LRBA: variants seen among roughly 807,000 people sequenced by gnomAD.
LRBA encodes lipopolysaccharide-responsive and beige-like anchor protein.
LRBA carries 176 observed loss-of-function variants against 330.0 expected under a neutral mutation model. The ratio of observed to expected loss-of-function variants is 0.53; its 90% CI spans 0.47 to 0.60. The LOEUF (loss-of-function observed/expected upper bound fraction) is 0.60, where lower values mean the gene tolerates loss of function less well. Ranked by LOEUF, LRBA falls within the 20% of genes least tolerant of loss-of-function variation. The probability of loss-of-function intolerance (pLI) is 0.00; values close to 1 mark genes in which losing one functional copy is unlikely to be tolerated. For missense variants in LRBA, 3,259 were observed against 3,444.8 expected (o/e 0.95, Z 1.35); for synonymous variants, 1,230 against 1,193.0 (o/e 1.03, Z -0.64).
chr4:150,584,960 G>GA (rs762358771), intron 40 of LRBA, among the ~76,000 whole-genome samples: 1 of 151,890 alleles, frequency 6.6e-6, no homozygotes, highest in Non-Finnish European at 1.5e-5. Context: ...TCACGCTTGG[G>GA]AAAAAAGTAT....
intron 48 of LRBA, among the ~76,000 whole-genome samples, chr4:150,338,588 C>G (rs1279443689): frequency 6.6e-6 from 1 of 152,178 alleles, no homozygotes; most frequent in Non-Finnish European, 1.5e-5. Flanking sequence ...GCTCCAGCCT[C>G]TGCTGTGTTT....
At chr4:150,434,372 T>A (rs1296126580) in intron 46 of LRBA, among the ~76,000 whole-genome samples, 1 of 152,214 alleles carries the variant, frequency 6.6e-6, no homozygotes, top group Non-Finnish European at 1.5e-5. Flanking sequence ...TTCATGCATA[T>A]AGATAGAATA....
chr4:150,492,389 C>G (rs1051919167), intron 40 of LRBA, among the ~76,000 whole-genome samples: 1 of 151,992 alleles, frequency 6.6e-6, no homozygotes, highest in Non-Finnish European at 1.5e-5. Context: ...AGAAATCCTA[C>G]TAATTCAGTA....
chr4:150,859,537 T>G (rs1242276707), intron 22 of LRBA, among the ~76,000 whole-genome samples: 1 of 152,098 alleles, frequency 6.6e-6, no homozygotes, highest in Non-Finnish European at 1.5e-5. Context: ...CGTTACTAGG[T>G]GCACTCTTTA....
At chr4:150,815,219 T>C (rs1267455568) in intron 31 of LRBA, among the ~76,000 whole-genome samples, 1 of 151,906 alleles carries the variant, frequency 6.6e-6, no homozygotes, top group Non-Finnish European at 1.5e-5. Flanking sequence ...AACTATTGCA[T>C]TTTTCACAAA....
intron 47 of LRBA, among the ~76,000 whole-genome samples, chr4:150,350,741 T>A (rs1737037553): frequency 6.6e-6 from 1 of 152,178 alleles, no homozygotes. Flanking sequence ...ACTGGGCCTA[T>A]CTTGGTCACA....
chr4:150,617,330 T>C (rs1374479852), intron 37 of LRBA, among the ~76,000 whole-genome samples: 1 of 152,236 alleles, frequency 6.6e-6, no homozygotes, highest in African/African-American at 2.4e-5. Context: ...ATTTAAAATC[T>C]AGACTTTTAA....
chr4:150,369,990 T>C (rs1455319283), intron 47 of LRBA, among the ~76,000 whole-genome samples: 4 of 152,218 alleles, frequency 2.6e-5, no homozygotes, highest in Non-Finnish European at 4.4e-5. Flanking sequence ...GCTTTCTTCA[T>C]GACTGCTCAA....
intron 2 of LRBA, among the ~76,000 whole-genome samples, chr4:151,002,190 A>G (rs576090874): frequency 2.1e-5 from 3 of 142,970 alleles, no homozygotes; most frequent in South Asian, 2.3e-4. Context: ...AGGAAACATA[A>G]AACAGCAAAA....
At chr4:150,494,583 T>A (rs1194375841) in intron 40 of LRBA, among the ~76,000 whole-genome samples, 1 of 152,232 alleles carries the variant, frequency 6.6e-6, no homozygotes, top group African/African-American at 2.4e-5. Context: ...AGTTTTCTGA[T>A]TAAATAAAAT....
At chr4:150,390,344 T>G (rs187818213) in intron 47 of LRBA, among the ~76,000 whole-genome samples, 3 of 152,304 alleles carry the variant, frequency 2.0e-5, no homozygotes, top group Non-Finnish European at 2.9e-5. Flanking sequence ...CTATCTTTTC[T>G]GAGAATGGAA....
rs71596232 is a variant in LRBA, at chr4:150,717,675, G to GTAATAGTAATAATAATAATAA, written c.5754+17582_5754+17583insTTATTATTATTATTACTATTA. Among the ~76,000 whole-genome samples, 446 of 139,770 alleles carry GTAATAGTAATAATAATAATAA rather than the reference G, an allele frequency of 3.2e-3. 4 individuals carry two copies. The highest frequency in any genetic ancestry group is 0.011 in the African/African-American group (429 of 38,068). 91.7% of individuals were successfully genotyped at this position (139,770 alleles called of 152,430 possible). On this transcript the variant is annotated intron_variant, in intron 36 of 56. Coordinates refer to ENST00000651943, the MANE Select transcript of LRBA (RefSeq NM_001364905.1). ...ACTCTGTCTCAAAATAACAATAATA[G>GTAATAGTAATAATAATAATAA]TAATAATAATAATAATAATAATAAT...
chr4:150,431,973 T>G (rs944543448), intron 46 of LRBA, among the ~76,000 whole-genome samples: 2 of 152,156 alleles, frequency 1.3e-5, no homozygotes, highest in Non-Finnish European at 2.9e-5. Context: ...ATTTTAACCT[T>G]CATTTCATAG....
intron 36 of LRBA, among the ~76,000 whole-genome samples, chr4:150,719,533 A>G (rs901165486): frequency 2.0e-5 from 3 of 152,120 alleles, no homozygotes; most frequent in Admixed American, 2.0e-4. Flanking sequence ...TAATGAAACA[A>G]TGTAAGGAAT....
intron 32 of LRBA, 99 bp downstream of exon 32, chr4:150,808,216 AGAAAT>A (rs956152955): frequency 1.2e-4 from 87 of 740,426 alleles, no homozygotes; most frequent in African/African-American, 2.1e-4. Flanking sequence ...GTTGAAAGAA[AGAAAT>A]GAAATGAAAT....
chr4:150,324,477 T>C (rs1055699454), intron 49 of LRBA, among the ~76,000 whole-genome samples: 17 of 151,560 alleles, frequency 1.1e-4, no homozygotes, highest in Non-Finnish European at 2.2e-4. Flanking sequence ...ATTTTTAAAA[T>C]GTGTATAGCT....
At chr4:150,818,588 G>A (rs760292689) in intron 30 of LRBA, among the ~76,000 whole-genome samples, 3 of 151,496 alleles carry the variant, frequency 2.0e-5, no homozygotes, top group East Asian at 1.9e-4. Context: ...GTGTGTGTAC[G>A]TATGTATTAG....
Position 150,805,250 on chromosome 4 carries a change from G to C in LRBA, c.5518+1021C>G, listed in dbSNP as rs56404369. On this transcript the variant is annotated intron_variant, in intron 33 of 56. Transcript: ENST00000651943. ...AAAGGAAAGGAAAAGGAGAAGGAAA[G>C]GAGAAGGAAACGAGAAGGAAAGGAA... Among the ~76,000 whole-genome samples the C allele has an allele frequency of 2.8e-3, 366 of 131,502 alleles. 2 individuals are homozygous for C. The highest frequency in any genetic ancestry group is 4.9e-3 in the Non-Finnish European group (317 of 64,530). 86.3% of individuals were successfully genotyped at this position (131,502 alleles called of 152,430 possible).
intron 47 of LRBA, among the ~76,000 whole-genome samples, chr4:150,386,187 C>T (rs1743027829): frequency 6.6e-6 from 1 of 151,846 alleles, no homozygotes; most frequent in Non-Finnish European, 1.5e-5. Flanking sequence ...AATCAGCATT[C>T]TCCATAACTC....
Sources: allele counts gnomAD v4.1 joint callset (sites outside exome capture counted in the v4.1 genomes callset), GRCh38; gene constraint gnomAD v4.1.1; transcripts MANE v1.5; gene names NCBI Gene and HGNC (gene_info 2026-07-23, HGNC 2026-07-21).